TENM3: variants seen among roughly 807,000 people sequenced by gnomAD.
TENM3 encodes teneurin transmembrane protein 3.
TENM3 carries 63 observed loss-of-function variants against 255.1 expected under a neutral mutation model. That is an observed-to-expected ratio of 0.25 (90% CI 0.20 to 0.30). The LOEUF is 0.30. Among genes scored for constraint, TENM3 ranks in the 10% least tolerant of loss-of-function variants. The probability of loss-of-function intolerance (pLI) is 1.00; values close to 1 mark genes in which losing one functional copy is unlikely to be tolerated. For missense variants in TENM3, 2,929 were observed against 3,461.1 expected (o/e 0.85, Z 3.86); for synonymous variants, 1,306 against 1,322.3 (o/e 0.99, Z 0.27).
chr4:181,897,634 T>A, the TENM3 span, among the ~76,000 whole-genome samples: 1 of 152,200 alleles, frequency 6.6e-6, no homozygotes, highest in Non-Finnish European at 1.5e-5. Flanking sequence ...ATCATCTACA[T>A]CTAAATCTGA....
chr4:182,031,444 T>C, the TENM3 span, among the ~76,000 whole-genome samples: 3 of 152,196 alleles, frequency 2.0e-5, no homozygotes, highest in African/African-American at 7.2e-5. Flanking sequence ...CCATGCTGTT[T>C]TGGTTACTGT....
intron 1 of TENM3, among the ~76,000 whole-genome samples, chr4:182,251,077 A>C (rs1757982841): frequency 6.6e-6 from 1 of 152,180 alleles, no homozygotes; most frequent in South Asian, 2.1e-4. Flanking sequence ...AGACATCTTC[A>C]TTTGAAGGGT....
chr4:181,966,949 C>T, the TENM3 span, among the ~76,000 whole-genome samples: 3,010 of 152,112 alleles, frequency 0.02, 41 homozygotes, highest in South Asian at 0.032. Context: ...TCTCTCTCTT[C>T]CTCCTTCTTC....
chr4:181,968,992 C>CTCTCTA, the TENM3 span, among the ~76,000 whole-genome samples: 69 of 116,084 alleles, frequency 5.9e-4, no homozygotes, highest in African/African-American at 1.7e-3. Flanking sequence ...CTCTCTCTCT[C>CTCTCTA]TATATACATA....
chr4:182,455,530 A>G (rs1395063690), intron 3 of TENM3, among the ~76,000 whole-genome samples: 1 of 146,740 alleles, frequency 6.8e-6, no homozygotes, highest in Non-Finnish European at 1.5e-5. Flanking sequence ...CAGAGTTTCC[A>G]AGAGCTGACT....
the TENM3 span, among the ~76,000 whole-genome samples, chr4:181,461,035 A>G: frequency 2.0e-5 from 3 of 152,076 alleles, no homozygotes; most frequent in Admixed American, 1.3e-4. Flanking sequence ...ATCTTTTAAT[A>G]GCTTTTGTAA....
chr4:182,066,499 T>C, the TENM3 span, among the ~76,000 whole-genome samples: 2 of 152,032 alleles, frequency 1.3e-5, no homozygotes, highest in Non-Finnish European at 2.9e-5. Flanking sequence ...GGAACGAATT[T>C]AAGAATGGAG....
chr4:181,625,457 C>T, the TENM3 span, among the ~76,000 whole-genome samples: 3 of 152,172 alleles, frequency 2.0e-5, no homozygotes, highest in Admixed American at 2.0e-4. Flanking sequence ...CTATCTCTGC[C>T]TGCTTGCGGA....
intron 3 of TENM3, among the ~76,000 whole-genome samples, chr4:182,582,449 G>A (rs1745580270): frequency 6.6e-6 from 1 of 152,132 alleles, no homozygotes; most frequent in South Asian, 2.1e-4. Flanking sequence ...TGCATGTTAA[G>A]CCTATTGCGT....
At chr4:181,473,550 C>T in the TENM3 span, among the ~76,000 whole-genome samples, 1 of 151,912 alleles carries the variant, frequency 6.6e-6, no homozygotes, top group Non-Finnish European at 1.5e-5. Context: ...TAATGATTGT[C>T]CCCTACACTC....
At chr4:182,031,610 G>A in the TENM3 span, among the ~76,000 whole-genome samples, 1 of 152,116 alleles carries the variant, frequency 6.6e-6, no homozygotes, top group Admixed American at 6.5e-5. Context: ...TAGTTTGATT[G>A]GAATAGTATT....
the TENM3 span, among the ~76,000 whole-genome samples, chr4:182,118,773 C>T: frequency 3.3e-5 from 5 of 152,108 alleles, no homozygotes; most frequent in African/African-American, 4.8e-5. Flanking sequence ...AATTGATTGT[C>T]GAACCAGCCT....
the TENM3 span, among the ~76,000 whole-genome samples, chr4:181,702,697 CAT>C: frequency 6.6e-6 from 1 of 152,000 alleles, no homozygotes; most frequent in African/African-American, 2.4e-5. Flanking sequence ...CATATAAAAA[CAT>C]ATTTTACTTA....
At chr4:182,221,362 C>A (rs1250356660) in intron 1 of TENM3, among the ~76,000 whole-genome samples, 2 of 152,078 alleles carry the variant, frequency 1.3e-5, no homozygotes, top group African/African-American at 2.4e-5. Context: ...TGAAACTGAG[C>A]CTTAGAAGAG....
chr4:181,509,467 G>C, the TENM3 span, among the ~76,000 whole-genome samples: 4 of 151,870 alleles, frequency 2.6e-5, no homozygotes, highest in Admixed American at 6.6e-5. Flanking sequence ...TTCCAACACT[G>C]CTCGTTCCTT....
chr4:181,613,103 G>A, the TENM3 span, among the ~76,000 whole-genome samples: 3 of 152,218 alleles, frequency 2.0e-5, no homozygotes, highest in South Asian at 2.1e-4. Context: ...GAGAATTCAC[G>A]CCTTTGTGAA....
chr4:181,628,705 G>T, the TENM3 span, among the ~76,000 whole-genome samples: 1 of 152,088 alleles, frequency 6.6e-6, no homozygotes, highest in African/African-American at 2.4e-5. Context: ...CTCTGTTTTG[G>T]TACCAGTACC....
the TENM3 span, among the ~76,000 whole-genome samples, chr4:181,792,461 A>G: frequency 6.6e-6 from 1 of 152,228 alleles, no homozygotes; most frequent in African/African-American, 2.4e-5. Flanking sequence ...ATAAAAACGT[A>G]AATAAGTCTA....
At chr4:182,275,862 G>T (rs1759963915) in intron 1 of TENM3, among the ~76,000 whole-genome samples, 1 of 152,144 alleles carries the variant, frequency 6.6e-6, no homozygotes, top group African/African-American at 2.4e-5. Context: ...GACCACTTGA[G>T]CCCAGGAGTT....
Sources: gnomAD v4.1 joint callset for allele counts (sites outside exome capture counted in the v4.1 genomes callset) on GRCh38, gnomAD v4.1.1 for gene constraint, MANE v1.5 for transcripts, NCBI Gene and HGNC (gene_info 2026-07-23, HGNC 2026-07-21) for gene names.